Variants in TMPRSS11E observed in about 807,000 individuals in gnomAD.
TMPRSS11E encodes the protein transmembrane serine protease 11E, also known as transmembrane protease serine 11E.
TMPRSS11E carries 38 observed loss-of-function variants against 48.1 expected under a neutral mutation model. The ratio of observed to expected loss-of-function variants is 0.79; its 90% confidence interval spans 0.61 to 1.04. The LOEUF (loss-of-function observed/expected upper bound fraction) is 1.04, where lower values mean the gene tolerates loss of function less well. Ranked by LOEUF, TMPRSS11E falls within the 50% of genes least tolerant of loss-of-function variation. The pLI, the probability that TMPRSS11E is intolerant of heterozygous loss-of-function variation, is 0.00. For synonymous variants in TMPRSS11E, 158 were observed against 171.9 expected (o/e 0.92, Z 0.63); for missense variants, 530 against 510.8 (o/e 1.04, Z -0.36).
chr4:68,489,751 A>G (rs1729663821), intron 9 of TMPRSS11E, among the ~76,000 whole-genome samples: 1 of 152,258 alleles, frequency 6.6e-6, no homozygotes, highest in Non-Finnish European at 1.5e-5. Context: ...TTGTGTAGCC[A>G]GGCAGGGAAT....
At chr4:68,469,082 G>T in intron 4 of TMPRSS11E, 136 bp downstream of exon 4, 2 of 754,522 alleles carry the variant, frequency 2.7e-6, no homozygotes, top group Non-Finnish European at 4.5e-6. Context: ...GTAAGTCATG[G>T]GTTACAAAGT....
At chr4:68,452,733 C>T (rs1293964888) in intron 1 of TMPRSS11E, among the ~76,000 whole-genome samples, 1 of 151,886 alleles carries the variant, frequency 6.6e-6, no homozygotes, top group Non-Finnish European at 1.5e-5. Context: ...CAGAAAATAC[C>T]AAAGATAATA....
Position 68,495,233 on chromosome 4 carries a change from T to A in TMPRSS11E, c.1111-1410T>A, listed in dbSNP as rs144307775. ...CCTTACTTTTCAGCTTGTAATGCTA[T>A]TTACTGCTATTTATATACTATTATT... On this transcript the variant is annotated intron_variant, in intron 9 of 9. Transcript: ENST00000305363. 5.9e-3 allele frequency among the ~76,000 whole-genome samples: 896 copies of A among 152,226 alleles called. 8 individuals carry two copies. Among genetic ancestry groups the A allele is most frequent in the African/African-American group, 0.021 (861 of 41,556 alleles).
intron 9 of TMPRSS11E, among the ~76,000 whole-genome samples, chr4:68,490,139 T>A (rs995595601): frequency 1.3e-5 from 2 of 152,152 alleles, no homozygotes; most frequent in Admixed American, 1.3e-4. Context: ...CAAGTTCTGG[T>A]GCTTGGCAAC....
rs1427896479 is a variant in TMPRSS11E, at chr4:68,497,492, A to G, written c.*688A>G. The G allele has an allele frequency of 6.6e-6, 1 of 152,144 alleles. No individual in the cohort carries two copies. The highest frequency in any genetic ancestry group is 2.4e-5 in the African/African-American group (1 of 41,450). 9.4% of individuals were successfully genotyped at this position (152,144 alleles called of 1,614,324 possible). A position where few individuals can be genotyped will look rare whatever the true frequency, so the allele number is the denominator to read the frequency against. ...AAGATTCTGTTTTTTTGTGACCTAT[A>G]ATAATTATACAAACTTCATGCAATG... On this transcript the variant is annotated 3_prime_UTR_variant, in exon 10 of 10. Transcript: ENST00000305363.
Position 68,478,943 on chromosome 4 carries a change from T to C in TMPRSS11E, c.1062T>C (p.Pro354=). 1 of 1,614,076 alleles carries C rather than the reference T, an allele frequency of 6.2e-7. No homozygotes were observed. Among genetic ancestry groups the C allele is most frequent in the Non-Finnish European group, 8.5e-7 (1 of 1,179,944 alleles). ...AAGCTTACAATGACGCCATAACTCC[T>C]AGAATGTTATGTGCTGGCTCCTTAG... ...EPQAYNDAIT[P]RMLCAGSLEG... is the part of the protein sequence containing the mutation. The change falls in exon 9 of 10, where the codon CCT becomes CCC. Residue 354 remains proline, a synonymous_variant. Coordinates refer to ENST00000305363, the MANE Select transcript of TMPRSS11E (RefSeq NM_014058.4).
At chr4:68,475,711 A>G (rs1031695012) in intron 6 of TMPRSS11E, among the ~76,000 whole-genome samples, 2 of 152,162 alleles carry the variant, frequency 1.3e-5, no homozygotes, top group South Asian at 4.1e-4. Context: ...TGGCCAAGCT[A>G]TCATGCCCCA....
intron 6 of TMPRSS11E, among the ~76,000 whole-genome samples, chr4:68,475,346 C>T (rs1046767881): frequency 2.6e-5 from 4 of 151,928 alleles, no homozygotes; most frequent in African/African-American, 9.7e-5. Flanking sequence ...CCAAGTATGC[C>T]ACCATGATTT....
At chr4:68,469,833 A>G (rs945366995) in intron 4 of TMPRSS11E, among the ~76,000 whole-genome samples, 4 of 151,966 alleles carry the variant, frequency 2.6e-5, no homozygotes, top group African/African-American at 9.7e-5. Context: ...TAACTCAGGA[A>G]GAATCCAATC....
chr4:68,459,474 T>C (rs1402093800), intron 1 of TMPRSS11E, among the ~76,000 whole-genome samples: 1 of 152,152 alleles, frequency 6.6e-6, no homozygotes, highest in African/African-American at 2.4e-5. Flanking sequence ...CTAATAAATA[T>C]TGGTTGTGTC....
chr4:68,460,611 T>C (rs1728762490), intron 1 of TMPRSS11E, among the ~76,000 whole-genome samples: 1 of 152,078 alleles, frequency 6.6e-6, no homozygotes, highest in South Asian at 2.1e-4. Context: ...GTTAGCACTC[T>C]AGAAAAAAGA....
chr4:68,473,588 T>C (rs1729133296), intron 5 of TMPRSS11E, among the ~76,000 whole-genome samples: 3 of 152,108 alleles, frequency 2.0e-5, no homozygotes, highest in African/African-American at 7.2e-5. Context: ...TGAACTTCAT[T>C]TTCAAAACAC....
chr4:68,480,777 AT>A (rs1188409543), intron 9 of TMPRSS11E, among the ~76,000 whole-genome samples: 6 of 151,994 alleles, frequency 3.9e-5, no homozygotes, highest in African/African-American at 1.2e-4. Flanking sequence ...AATTTATATT[AT>A]TTTATTTAAT....
intron 1 of TMPRSS11E, among the ~76,000 whole-genome samples, chr4:68,450,825 A>G (rs1728477970): frequency 6.6e-6 from 1 of 151,894 alleles, no homozygotes; most frequent in Non-Finnish European, 1.5e-5. Context: ...TAACTACATC[A>G]TCTCTGTTTT....
Position 68,472,439 on chromosome 4 carries a change from T to A in TMPRSS11E, c.490+816T>A, listed in dbSNP as rs141681981. Among the ~76,000 whole-genome samples, 511 of 152,176 alleles carry A rather than the reference T, an allele frequency of 3.4e-3. 3 individuals are homozygous for A. Among genetic ancestry groups the A allele is most frequent in the African/African-American group, 0.011 (448 of 41,554 alleles). ...ATGTAAAAATTAATTATTCATCAAA[T>A]ATTTCACTTTTTTTTGTAGTAAGGC... On this transcript the variant is annotated intron_variant, in intron 5 of 9. Transcript: ENST00000305363.
At chr4:68,487,531 C>T (rs549814397) in intron 9 of TMPRSS11E, among the ~76,000 whole-genome samples, 9 of 152,142 alleles carry the variant, frequency 5.9e-5, no homozygotes, top group Admixed American at 2.0e-4. Context: ...GGATTACAGG[C>T]GTGAGAAACC....
At chr4:68,476,145 T>G in intron 6 of TMPRSS11E, 116 bp from the exon 7 acceptor site, 1 of 1,352,496 alleles carries the variant, frequency 7.4e-7, no homozygotes, top group Non-Finnish European at 1.0e-6. Flanking sequence ...GAGAAAACAT[T>G]TGATACTTTT....
At chr4:68,478,440 G>A (rs569907855) in intron 8 of TMPRSS11E, among the ~76,000 whole-genome samples, 5 of 123,516 alleles carry the variant, frequency 4.0e-5, no homozygotes, top group African/African-American at 1.5e-4. Context: ...CACCGCACCC[G>A]GTATCCCCCG....
intron 9 of TMPRSS11E, among the ~76,000 whole-genome samples, chr4:68,486,044 G>A (rs538519266): frequency 7.9e-5 from 12 of 151,860 alleles, no homozygotes; most frequent in Middle Eastern, 3.4e-3. Flanking sequence ...TTCTTTGTTA[G>A]TCTTGCTAGC....
Sources: allele counts gnomAD v4.1 joint callset (sites outside exome capture counted in the v4.1 genomes callset), GRCh38; gene constraint gnomAD v4.1.1; transcripts MANE v1.5; gene names NCBI Gene and HGNC (gene_info 2026-07-23, HGNC 2026-07-21).